Variants in FADS1 observed in about 807,000 individuals in gnomAD.
The protein encoded by FADS1 is acyl-CoA (8-3)-desaturase.
Under a neutral mutation model 61.6 loss-of-function variants are expected in FADS1, and 17 were observed. The observed-to-expected ratio is 0.28, with a 90% CI of 0.19 to 0.41. The LOEUF (loss-of-function observed/expected upper bound fraction) is 0.41, where lower values mean the gene tolerates loss of function less well. FADS1 is among the 10% of genes least tolerant of loss of function. FADS1 has a pLI of 1.00. For missense variants in FADS1, 387 were observed against 650.9 expected, an observed-to-expected ratio of 0.59 and a Z score of 4.41; for synonymous variants, 238 against 258.7, an observed-to-expected ratio of 0.92 and a Z score of 0.77.
chr11:61,816,701 A>G lies in FADS1; in HGVS notation c.229T>C (p.Phe77Leu). ...TAAQGPTPRY[F>L]TWDEVAQRSG... The stretch of plus-strand genomic sequence containing the variant: ...CGCTGGGCCACCTCGTCCCAGGTGA[A>G]GTAGCGCGGGGTAGGTCCCTGAGCC... The change falls in exon 1 of 12, where the codon TTC becomes CTC. Residue 77 changes from phenylalanine (F) to leucine (L), a missense_variant. Phe to Leu is a conservative substitution (Grantham distance 22). Transcript: ENST00000350997. This position sits in a 1 kb window ranked among gnomAD's most constrained non-coding sequence, Gnocchi z 7.0. The G allele has an allele frequency of 6.3e-7, 1 of 1,580,252 alleles. No homozygotes were observed. The highest frequency in any genetic ancestry group is 8.6e-7 in the Non-Finnish European group (1 of 1,163,662).
intron 3 of FADS1, chr11:61,812,001 C>T: frequency 6.0e-6 from 2 of 335,426 alleles, no homozygotes; most frequent in Non-Finnish European, 1.2e-5. Flanking sequence ...ACATGAGTCA[C>T]CACACCTGGC....
rs1335387039 is a variant in FADS1 at position 61,816,070 on chromosome 11, C to T, written c.375+485G>A. On this transcript the variant is annotated intron_variant, in intron 1 of 11. Transcript: ENST00000350997. This position sits in a 1 kb window ranked among gnomAD's most constrained non-coding sequence, Gnocchi z 7.0. The stretch of plus-strand genomic sequence containing the variant: ...TCGAGAATGGGCTCCTTTCCTGCTC[C>T]CTCTCCGCTCCTGCTGGCGAGTGGA... 3 of 600,030 alleles carry T rather than the reference C, an allele frequency of 5.0e-6. No homozygotes were observed. Among genetic ancestry groups the T allele is most frequent in the Non-Finnish European group, 8.8e-6 (3 of 340,218 alleles). 37.2% of individuals were successfully genotyped at this position (600,030 alleles called of 1,614,324 possible).
chr11:61,804,782 A>C (rs1319689471), intron 6 of FADS1, 21 bp from the exon 7 acceptor site: 1 of 1,606,200 alleles, frequency 6.2e-7, no homozygotes, highest in African/African-American at 1.3e-5. Flanking sequence ...AACCGAGACA[A>C]AGAGGAGGCA....
At chr11:61,810,618 A>T in intron 5 of FADS1, 133 bp downstream of exon 5, 1 of 1,184,090 alleles carries the variant, frequency 8.4e-7, no homozygotes, top group Non-Finnish European at 1.2e-6. Context: ...AGAACTTCCA[A>T]AATGGCAAAA....
In FADS1 at chr11:61,815,899, T is replaced by A; in HGVS notation, c.375+656A>T. 1 of 279,646 alleles carries A rather than the reference T, an allele frequency of 3.6e-6. No individual in the cohort carries two copies. The highest frequency in any genetic ancestry group is 9.2e-5 in the East Asian group (1 of 10,842). The allele number at this position is 279,646 out of a possible 1,614,324, so 17.3% of individuals were successfully genotyped here. A position where few individuals can be genotyped will look rare whatever the true frequency, so the allele number is the denominator to read the frequency against. On this transcript the variant is annotated intron_variant, in intron 1 of 11. Transcript: ENST00000350997. This position sits in a 1 kb window ranked among gnomAD's most constrained non-coding sequence, Gnocchi z 6.4. ...AACAGCTCTGGGGGTCCTCGCTAAG[T>A]GTATGCCATTCCCAATCCCTTATGT...
In FADS1 at chr11:61,816,614, T is replaced by C; in HGVS notation, c.316A>G (p.Thr106Ala). 6.3e-7 allele frequency: 1 copy of C among 1,588,854 alleles called. No homozygotes were observed. The highest frequency in any genetic ancestry group is 1.7e-4 in the Middle Eastern group (1 of 5,846). Reference protein sequence around the residue: ...DRKVYNISEFTRRHPGGSRVI... With the variant: ...DRKVYNISEFARRHPGGSRVI... The stretch of plus-strand genomic sequence containing the variant: ...CGGGAGCCCCCTGGATGCCGGCGGG[T>C]GAACTCGCTGATGTTGTACACCTTA... The change falls in exon 1 of 12, where the codon ACC (threonine) becomes GCC (alanine). Residue 106 changes from threonine (T) to alanine (A), a missense_variant. Coordinates refer to ENST00000350997, the MANE Select transcript of FADS1 (RefSeq NM_013402.7). The surrounding 1 kb of genome is among the most constrained non-coding windows in gnomAD (Gnocchi z 7.0).
In FADS1 at chr11:61,806,810, G is replaced by A; in HGVS notation, c.916-86C>T. 3 of 1,220,126 alleles carry A rather than the reference G, an allele frequency of 2.5e-6. No homozygotes were observed. The South Asian group carries it at 3.6e-5, about 15-fold the overall frequency. The allele number at this position is 1,220,126 out of a possible 1,614,324, so 75.6% of individuals were successfully genotyped here. On this transcript the variant is annotated intron_variant, in intron 5 of 11. Transcript: ENST00000350997. Reference sequence around the variant, plus strand: ...GACCTTTCCTTGCTTGGAGGTTTAGGCCTCCTCCAGGGCTGACAGCTTGTT... The same window carrying A: ...GACCTTTCCTTGCTTGGAGGTTTAGACCTCCTCCAGGGCTGACAGCTTGTT...
Position 61,803,572 on chromosome 11 carries a change from C to T in FADS1, c.1151+98G>A. 1 of 1,337,500 alleles carries T rather than the reference C, an allele frequency of 7.5e-7. No homozygotes were observed. The highest frequency in any genetic ancestry group is 1.1e-6 in the Non-Finnish European group (1 of 928,420). The allele number at this position is 1,337,500 out of a possible 1,614,324, so 82.9% of individuals were successfully genotyped here. ...CTTTCCCAAGCCAACTCCTGAAACA[C>T]CCACTGTTACCCAAAGCCCCAGCAC... On this transcript the variant is annotated intron_variant, in intron 8 of 11. Transcript: ENST00000350997. This position sits in a 1 kb window ranked among gnomAD's most constrained non-coding sequence, Gnocchi z 4.3.
intron 5 of FADS1, among the ~76,000 whole-genome samples, chr11:61,808,426 C>T (rs1262562542): frequency 7.2e-5 from 11 of 152,128 alleles, no homozygotes; most frequent in Non-Finnish European, 1.6e-4. Context: ...TTAGTGAATG[C>T]CTGGGCAATA....
At position 61,816,020 on chromosome 11, in the gene FADS1, C is replaced by T. The variant is rs560127431; in HGVS notation, c.375+535G>A. The T allele has an allele frequency of 1.5e-4, 83 of 551,356 alleles. No individual in the cohort carries two copies. Among genetic ancestry groups the T allele is most frequent in the African/African-American group, 1.5e-3 (78 of 52,998 alleles). 34.2% of individuals were successfully genotyped at this position (551,356 alleles called of 1,614,324 possible). A position where few individuals can be genotyped will look rare whatever the true frequency, so the allele number is the denominator to read the frequency against. On this transcript the variant is annotated intron_variant, in intron 1 of 11. Transcript: ENST00000350997. This position sits in a 1 kb window ranked among gnomAD's most constrained non-coding sequence, Gnocchi z 7.0. ...GGGGTCCCCAAGGCAGCGGTCTCCC[C>T]AAGCTTCCCGTTTCAGCCCCATCCT...
Position 61,801,029 on chromosome 11 carries a change from AC to A in FADS1, c.*1381del, listed in dbSNP as rs2066852407. 6.6e-6 allele frequency: 1 copy of A among 152,376 alleles called. No individual in the cohort carries two copies. Among genetic ancestry groups the A allele is most frequent in the South Asian group, 2.1e-4 (1 of 4,834 alleles). 9.4% of individuals were successfully genotyped at this position (152,376 alleles called of 1,614,324 possible). A position where few individuals can be genotyped will look rare whatever the true frequency, so the allele number is the denominator to read the frequency against. On this transcript the variant is annotated 3_prime_UTR_variant, in exon 12 of 12. Transcript: ENST00000350997. Reference sequence around the variant, plus strand: ...TGAACAAGAGTGGACAGAGTAAGATACCTAGCTACAGCAATAGAAATCACAA... The same window carrying A: ...TGAACAAGAGTGGACAGAGTAAGATACTAGCTACAGCAATAGAAATCACAA...
Position 61,813,331 on chromosome 11 carries a change from A to G in FADS1, c.398T>C (p.Ile133Thr). The G allele has an allele frequency of 6.2e-7, 1 of 1,611,758 alleles. No individual in the cohort carries two copies. Among genetic ancestry groups the G allele is most frequent in the Non-Finnish European group, 8.5e-7 (1 of 1,178,216 alleles). The part of the protein sequence containing the change: ...DATDPFVAFH[I>T]NKGLVKKYMN... ...ATACTTCTTCACAAGGCCCTTGTTG[A>G]TGTGGAAGGCCACAAAGGGATCCTG... Residue 133 changes from isoleucine to threonine, a missense_variant, in exon 2 of 12, where the codon ATC becomes ACC. Physicochemically the swap from Ile to Thr is moderately conservative, Grantham distance 89. This residue lies in a region of FADS1 where 257 missense variants were observed against 533.3 expected (regional missense o/e 0.48). Coordinates refer to ENST00000350997, the MANE Select transcript of FADS1 (RefSeq NM_013402.7).
At position 61,816,266 on chromosome 11, in the gene FADS1, G is replaced by T; in HGVS notation, c.375+289C>A. ...GTTCTGTCCCCGCCCAGAGACCTGA[G>T]GCTCGGGGCTGCAGATGGAATGCAC... On this transcript the variant is annotated intron_variant, in intron 1 of 11. Coordinates refer to ENST00000350997, the MANE Select transcript of FADS1 (RefSeq NM_013402.7). The surrounding 1 kb of genome is among the most constrained non-coding windows in gnomAD (Gnocchi z 7.0). The T allele has an allele frequency of 6.3e-7, 1 of 1,598,162 alleles. No homozygotes were observed. The highest frequency in any genetic ancestry group is 8.5e-7 in the Non-Finnish European group (1 of 1,179,664).
Position 61,816,507 on chromosome 11 carries a change from C to A in FADS1, c.375+48G>T. On this transcript the variant is annotated intron_variant, in intron 1 of 11. Coordinates refer to ENST00000350997, the MANE Select transcript of FADS1 (RefSeq NM_013402.7). The surrounding 1 kb of genome is among the most constrained non-coding windows in gnomAD (Gnocchi z 7.0). ...TGCGTAACTCTGTCTCCCCTGCACT[C>A]AGCCTCCGGTCCCGCCCTCTCCTGT... is the stretch of plus-strand genomic sequence containing the variant. 1 of 1,598,834 alleles carries A rather than the reference C, an allele frequency of 6.3e-7. No individual in the cohort carries two copies. The highest frequency in any genetic ancestry group is 2.3e-5 in the East Asian group (1 of 44,424).
chr11:61,802,367 A>G lies in FADS1; in HGVS notation c.*44T>C. 1 of 1,529,974 alleles carries G rather than the reference A, an allele frequency of 6.5e-7. No individual in the cohort carries two copies. The highest frequency in any genetic ancestry group is 1.2e-5 in the South Asian group (1 of 83,826). 94.8% of individuals were successfully genotyped at this position (1,529,974 alleles called of 1,614,324 possible). A position where few individuals can be genotyped will look rare whatever the true frequency, so the allele number is the denominator to read the frequency against. The stretch of plus-strand genomic sequence containing the variant: ...TCAAGCTCCCCTCTGCCTTGGCTCC[A>G]GAGTCTTCCTCCTCTTCTTCCAGAC... On this transcript the variant is annotated 3_prime_UTR_variant, in exon 12 of 12. Transcript: ENST00000350997. The surrounding 1 kb of genome is among the most constrained non-coding windows in gnomAD (Gnocchi z 4.2).
At position 61,802,467 on chromosome 11, in the gene FADS1, A is replaced by G; in HGVS notation, c.1455-5T>C. 1 of 1,561,974 alleles carries G rather than the reference A, an allele frequency of 6.4e-7. No homozygotes were observed. Among genetic ancestry groups the G allele is most frequent in the South Asian group, 1.2e-5 (1 of 84,734 alleles). On this transcript the variant is annotated splice_polypyrimidine_tract_variant and splice_region_variant and intron_variant, in intron 11 of 11. Transcript: ENST00000350997. This position sits in a 1 kb window ranked among gnomAD's most constrained non-coding sequence, Gnocchi z 4.2. Reference sequence around the variant, plus strand: ...TGCCCTGACTCCTTTAGTGAGCTGCAGGGACAAAATGGGGGCAGACAGTGA... The same window carrying G: ...TGCCCTGACTCCTTTAGTGAGCTGCGGGGACAAAATGGGGGCAGACAGTGA...
rs368544311 is a variant in FADS1 at position 61,802,176 on chromosome 11, A to C, written c.*235T>G. 3.5e-5 allele frequency: 19 copies of C among 545,664 alleles called. No individual in the cohort carries two copies. The highest frequency in any genetic ancestry group is 3.4e-4 in the African/African-American group (18 of 52,906). The allele number at this position is 545,664 out of a possible 1,614,324, so 33.8% of individuals were successfully genotyped here. On this transcript the variant is annotated 3_prime_UTR_variant, in exon 12 of 12. Coordinates refer to ENST00000350997, the MANE Select transcript of FADS1 (RefSeq NM_013402.7). This position sits in a 1 kb window ranked among gnomAD's most constrained non-coding sequence, Gnocchi z 4.2. ...CCAAACTAGAAAAAGGAAATAATTT[A>C]CACCCCTGCCCCAACAGCTCCTTCC...
At position 61,816,467 on chromosome 11, in the gene FADS1, G is replaced by C; in HGVS notation, c.375+88C>G. The stretch of plus-strand genomic sequence containing the variant: ...TCCGGGCTTTCCTCCGAATTAGTCG[G>C]TGTTTGGCTCGGAGTGCGTAACTCT... On this transcript the variant is annotated intron_variant, in intron 1 of 11. Transcript: ENST00000350997. This position sits in a 1 kb window ranked among gnomAD's most constrained non-coding sequence, Gnocchi z 7.0. 1 of 1,600,974 alleles carries C rather than the reference G, an allele frequency of 6.2e-7. No homozygotes were observed. Among genetic ancestry groups the C allele is most frequent in the Non-Finnish European group, 8.5e-7 (1 of 1,179,612 alleles).
rs1004321554 is a variant in FADS1 at position 61,803,935 on chromosome 11, T to C, written c.1054-168A>G. 1.6e-6 allele frequency: 1 copy of C among 617,908 alleles called. No homozygotes were observed. Among genetic ancestry groups the C allele is most frequent in the South Asian group, 1.9e-5 (1 of 51,918 alleles). The allele number at this position is 617,908 out of a possible 1,614,324, so 38.3% of individuals were successfully genotyped here. On this transcript the variant is annotated intron_variant, in intron 7 of 11. Transcript: ENST00000350997. The surrounding 1 kb of genome is among the most constrained non-coding windows in gnomAD (Gnocchi z 4.3). Reference sequence around the variant, plus strand: ...GTATCTAGTGCCACTGCTCCTTTCTTCCATTCCCATTGGCACCCCCCAGCC... The same window carrying C: ...GTATCTAGTGCCACTGCTCCTTTCTCCCATTCCCATTGGCACCCCCCAGCC...
Sources: gnomAD v4.1 joint callset for allele counts (sites outside exome capture counted in the v4.1 genomes callset) on GRCh38, gnomAD v4.1.1 for gene constraint, gnomAD v4.1.1 regional missense constraint, Gnocchi (gnomAD v3.1) non-coding constraint, MANE v1.5 for transcripts, NCBI Gene and HGNC (gene_info 2026-07-23, HGNC 2026-07-21) for gene names.